UBE2D4: variants seen among roughly 807,000 people sequenced by gnomAD.
UBE2D4 encodes the protein ubiquitin conjugating enzyme E2 D4, also known as ubiquitin-conjugating enzyme E2 D4.
In UBE2D4, 17 loss-of-function variants were observed where a neutral mutation model predicts 23.0. The observed-to-expected ratio is 0.74, with a 90% CI of 0.51 to 1.11. The LOEUF (loss-of-function observed/expected upper bound fraction) is 1.11, where lower values mean the gene tolerates loss of function less well. Among genes scored for constraint, UBE2D4 ranks in the 50% least tolerant of loss-of-function variants. The probability of loss-of-function intolerance (pLI) is 0.00; values close to 1 mark genes in which losing one functional copy is unlikely to be tolerated. For missense variants in UBE2D4, 139 were observed against 181.8 expected (o/e 0.76, Z 1.35); for synonymous variants, 61 against 69.4 (o/e 0.88, Z 0.60).
intron 4 of UBE2D4, chr7:43,946,229 C>T (rs542878034): frequency 3.9e-5 from 6 of 152,286 alleles, no homozygotes; most frequent in African/African-American, 1.4e-4. Context: ...ACAGCGGACT[C>T]TTCATGGGTC....
chr7:43,928,220 A>G (rs1020585316), intron 1 of UBE2D4: 29 of 305,360 alleles, frequency 9.5e-5, no homozygotes, highest in Non-Finnish European at 1.7e-4. Flanking sequence ...CAAGCCATTC[A>G]TGAGGAATCC....
In UBE2D4 at chr7:43,955,691, G is replaced by A. The variant is rs1270742182; in HGVS notation, c.*2996G>A. ...ATTCCTTTCCTAGGGTCTGTCTCTGGTACCCAAAAGGGCAGAGAAGGAACC... is the reference window on the plus strand; with the variant it reads ...ATTCCTTTCCTAGGGTCTGTCTCTGATACCCAAAAGGGCAGAGAAGGAACC... On this transcript the variant is annotated 3_prime_UTR_variant, in exon 7 of 7. Transcript: ENST00000222402. 6.6e-6 allele frequency: 1 copy of A among 152,106 alleles called. No homozygotes were observed. The highest frequency in any genetic ancestry group is 1.5e-5 in the Non-Finnish European group (1 of 68,024). The allele number at this position is 152,106 out of a possible 1,614,324, so 9.4% of individuals were successfully genotyped here.
chr7:43,932,420 G>A (rs2095947960), intron 1 of UBE2D4, among the ~76,000 whole-genome samples: 1 of 152,202 alleles, frequency 6.6e-6, no homozygotes, highest in Non-Finnish European at 1.5e-5. Flanking sequence ...CAAGAGTTTT[G>A]TGTGGGAACA....
At chr7:43,938,310 C>T (rs576897180) in intron 1 of UBE2D4, 121 bp from the exon 2 acceptor site, 3 of 883,116 alleles carry the variant, frequency 3.4e-6, no homozygotes, top group South Asian at 2.7e-5. Context: ...ATGTCTCTAA[C>T]CCCCTCCTGA....
Position 43,943,049 on chromosome 7 carries a change from A to AC in UBE2D4, c.198+19dup, listed in dbSNP as rs769064666. 55 of 1,611,972 alleles carry AC rather than the reference A, an allele frequency of 3.4e-5. No individual in the cohort carries two copies. Among genetic ancestry groups the AC allele is most frequent in the Non-Finnish European group, 4.5e-5 (53 of 1,178,292 alleles). ...CCCCAAAGGTGAGGTCCCTCTCCCA[A>AC]CTCCCCTGATGTTTGGATGAAGGAC... On this transcript the variant is annotated intron_variant, in intron 4 of 6. Coordinates refer to ENST00000222402, the MANE Select transcript of UBE2D4 (RefSeq NM_015983.4).
intron 1 of UBE2D4, among the ~76,000 whole-genome samples, chr7:43,926,902 T>C (rs2095932597): frequency 6.6e-6 from 1 of 152,146 alleles, no homozygotes; most frequent in South Asian, 2.1e-4. Context: ...AGCTGGGTCC[T>C]AAGGGATGAG....
chr7:43,945,159 T>TTTTTTGTA (rs2095982893), intron 4 of UBE2D4, among the ~76,000 whole-genome samples: 2 of 152,060 alleles, frequency 1.3e-5, no homozygotes, highest in African/African-American at 4.8e-5. Context: ...CGCCGGCTAA[T>TTTTTTGTA]TTTTTGTATT....
rs1184911372 is a variant in UBE2D4, at chr7:43,954,095, A to G, written c.*1400A>G. On this transcript the variant is annotated 3_prime_UTR_variant, in exon 7 of 7. Coordinates refer to ENST00000222402, the MANE Select transcript of UBE2D4 (RefSeq NM_015983.4). ...TGCCAGATATTTTCCCACTGAGAATACTGAGGTTATTCACATAATCACTTC... is the reference window on the plus strand; with the variant it reads ...TGCCAGATATTTTCCCACTGAGAATGCTGAGGTTATTCACATAATCACTTC... 2 of 152,144 alleles carry G rather than the reference A, an allele frequency of 1.3e-5. No individual in the cohort carries two copies. The highest frequency in any genetic ancestry group is 4.8e-5 in the African/African-American group (2 of 41,428). The allele number at this position is 152,144 out of a possible 1,614,324, so 9.4% of individuals were successfully genotyped here. A position where few individuals can be genotyped will look rare whatever the true frequency, so the allele number is the denominator to read the frequency against.
intron 1 of UBE2D4, among the ~76,000 whole-genome samples, chr7:43,933,952 G>A (rs1400178661): frequency 6.6e-6 from 1 of 152,074 alleles, no homozygotes. Context: ...TGCATTGCTG[G>A]TACTATATTT....
At chr7:43,943,756 C>T in intron 4 of UBE2D4, 1 of 153,204 alleles carries the variant, frequency 6.5e-6, no homozygotes, top group Non-Finnish European at 1.5e-5. Context: ...ATGTCTTGTG[C>T]ACCGCAGGTC....
chr7:43,951,106 G>A (rs947690776), intron 6 of UBE2D4, among the ~76,000 whole-genome samples: 2 of 152,254 alleles, frequency 1.3e-5, no homozygotes, highest in Admixed American at 6.5e-5. Flanking sequence ...TACCGAAGGT[G>A]AGGCTGAGGG....
chr7:43,953,277 C>G lies in UBE2D4; in HGVS notation c.*582C>G, dbSNP rs369426930. The G allele has an allele frequency of 2.2e-6, 1 of 445,452 alleles. No homozygotes were observed. Among genetic ancestry groups the G allele is most frequent in the African/African-American group, 2.0e-5 (1 of 49,608 alleles). 27.6% of individuals were successfully genotyped at this position (445,452 alleles called of 1,614,324 possible). Reference sequence around the variant, plus strand: ...CCACCAGTCTCCTCCTGCAGTGCCACGTGGTGGCATTTCTCGCCTCACACC... The same window carrying G: ...CCACCAGTCTCCTCCTGCAGTGCCAGGTGGTGGCATTTCTCGCCTCACACC... On this transcript the variant is annotated 3_prime_UTR_variant, in exon 7 of 7. Transcript: ENST00000222402.
intron 1 of UBE2D4, among the ~76,000 whole-genome samples, chr7:43,927,441 T>G (rs1216467638): frequency 6.6e-6 from 1 of 151,934 alleles, no homozygotes; most frequent in East Asian, 1.9e-4. Context: ...GCTTCCTGGG[T>G]AGCTGGGACT....
intron 1 of UBE2D4, among the ~76,000 whole-genome samples, chr7:43,937,439 C>A (rs2595646): frequency 0.061 from 9,329 of 152,248 alleles, 310 homozygotes; most frequent in East Asian, 0.099. Flanking sequence ...AAGTTAAATT[C>A]TCTTTTGGCC....
At chr7:43,946,069 C>G (rs188051752) in intron 4 of UBE2D4, 160 of 152,364 alleles carry the variant, frequency 1.1e-3, no homozygotes, top group African/African-American at 3.5e-3. Flanking sequence ...GGTGTGACCA[C>G]TGTGCCCGGC....
rs542102004 is a variant in UBE2D4, at chr7:43,955,618, G to T, written c.*2923G>T. On this transcript the variant is annotated 3_prime_UTR_variant, in exon 7 of 7. Coordinates refer to ENST00000222402, the MANE Select transcript of UBE2D4 (RefSeq NM_015983.4). ...GTATGTTTCTGTCTCTGAAATTCGG[G>T]AAAAAGCCTTAAGTGCCAGAGAAGG... 6.6e-6 allele frequency: 1 copy of T among 152,140 alleles called. No individual in the cohort carries two copies. The highest frequency in any genetic ancestry group is 2.4e-5 in the African/African-American group (1 of 41,420). 9.4% of individuals were successfully genotyped at this position (152,140 alleles called of 1,614,324 possible).
rs757788633 is a variant in UBE2D4, at chr7:43,942,869, C to T, written c.120+12C>T. Reference sequence around the variant, plus strand: ...CCATCATGGGCCCGGTAGGTAGTAGCTGCTGAGCGCACCACTCCAGTTTTG... The same window carrying T: ...CCATCATGGGCCCGGTAGGTAGTAGTTGCTGAGCGCACCACTCCAGTTTTG... On this transcript the variant is annotated intron_variant, in intron 3 of 6. Coordinates refer to ENST00000222402, the MANE Select transcript of UBE2D4 (RefSeq NM_015983.4). 1.7e-5 allele frequency: 28 copies of T among 1,614,076 alleles called. No homozygotes were observed. Among genetic ancestry groups the T allele is most frequent in the Non-Finnish European group, 2.4e-5 (28 of 1,180,050 alleles).
intron 1 of UBE2D4, among the ~76,000 whole-genome samples, chr7:43,935,146 C>G (rs1378981683): frequency 1.3e-5 from 2 of 152,144 alleles, no homozygotes; most frequent in African/African-American, 2.4e-5. Context: ...TACATTGTTT[C>G]ACTTGTTCCT....
intron 2 of UBE2D4, among the ~76,000 whole-genome samples, chr7:43,939,972 C>T (rs1317782311): frequency 4.6e-5 from 7 of 152,110 alleles, no homozygotes; most frequent in Non-Finnish European, 8.8e-5. Flanking sequence ...GCATTTCATG[C>T]CACAGAATTG....
Sources: gnomAD v4.1 joint callset for allele counts (sites outside exome capture counted in the v4.1 genomes callset) on GRCh38, gnomAD v4.1.1 for gene constraint, MANE v1.5 for transcripts, NCBI Gene and HGNC (gene_info 2026-07-23, HGNC 2026-07-21) for gene names.